ATAD5: variants seen among roughly 807,000 people sequenced by gnomAD.
The protein encoded by ATAD5 is ATPase family AAA domain containing 5.
In ATAD5, 58 loss-of-function variants were observed where a neutral mutation model predicts 176.9. That is an observed-to-expected ratio of 0.33 (90% CI 0.27 to 0.41). The LOEUF is 0.41. Among genes scored for constraint, ATAD5 ranks in the 10% least tolerant of loss-of-function variants. The pLI, the probability that ATAD5 is intolerant of heterozygous loss-of-function variation, is 1.00. For missense variants in ATAD5, 1,789 were observed against 2,094.1 expected, an observed-to-expected ratio of 0.85 and a Z score of 2.84; for synonymous variants, 640 against 712.6, an observed-to-expected ratio of 0.90 and a Z score of 1.62.
In ATAD5 at chr17:30,868,349, A is replaced by G; in HGVS notation, c.3250A>G (p.Lys1084Glu). 1.3e-6 allele frequency: 2 copies of G among 1,587,342 alleles called. No individual in the cohort carries two copies. Among genetic ancestry groups the G allele is most frequent in the South Asian group, 1.2e-5 (1 of 85,804 alleles). Residue 1084 changes from lysine (K) to glutamate (E), a missense_variant, in exon 12 of 23, where the codon AAA (lysine) becomes GAA (glutamate). Lys to Glu is a moderately conservative substitution (Grantham distance 56, BLOSUM62 1). Coordinates refer to ENST00000321990, the MANE Select transcript of ATAD5 (RefSeq NM_024857.5). Reference protein sequence around the residue: ...KKLHSWLKDWKRRAELEERQN... With the variant: ...KKLHSWLKDWERRAELEERQN... ...TTGTGGCAGTTGGTTGAAAGACTGG[A>G]AAAGAAGAGCTGAATTGGAAGAAAG...
intron 6 of ATAD5, among the ~76,000 whole-genome samples, chr17:30,848,283 A>G (rs1311602658): frequency 1.3e-5 from 2 of 151,354 alleles, no homozygotes; most frequent in Non-Finnish European, 2.9e-5. Flanking sequence ...TCACTCTGTC[A>G]TCCCCAGACT....
chr17:30,863,154 C>T (rs543113394), intron 10 of ATAD5: 1 of 152,640 alleles, frequency 6.6e-6, no homozygotes, highest in African/African-American at 2.4e-5. Flanking sequence ...TGCACCACTA[C>T]TCCAGGCTGG....
chr17:30,855,858 CAAAAAAA>C (rs1907266505), intron 7 of ATAD5, among the ~76,000 whole-genome samples: 1 of 132,756 alleles, frequency 7.5e-6, no homozygotes, highest in Non-Finnish European at 1.6e-5. Context: ...GACCCTGTCT[CAAAAAAA>C]GAAAAAAAAA....
Position 30,831,973 on chromosome 17 carries a change from G to T in ATAD5, c.-375G>T, listed in dbSNP as rs1036808665. 3.2e-6 allele frequency: 1 copy of T among 309,164 alleles called. No individual in the cohort carries two copies. Among genetic ancestry groups the T allele is most frequent in the Non-Finnish European group, 5.9e-6 (1 of 169,510 alleles). 19.2% of individuals were successfully genotyped at this position (309,164 alleles called of 1,614,324 possible). A position where few individuals can be genotyped will look rare whatever the true frequency, so the allele number is the denominator to read the frequency against. ...CCGTAAACTCCGCCCCTTGCGCGCA[G>T]GACGGCGCGAAAACCCAATTGACAA... On this transcript the variant is annotated 5_prime_UTR_variant, in exon 1 of 23. In the 5' UTR this introduces an upstream ATG that the reference lacks. Coordinates refer to ENST00000321990, the MANE Select transcript of ATAD5 (RefSeq NM_024857.5).
intron 8 of ATAD5, 53 bp from the exon 9 acceptor site, chr17:30,858,108 A>C: frequency 7.3e-7 from 1 of 1,371,200 alleles, no homozygotes. Context: ...TATTGTAATT[A>C]ACATGAATAG....
rs1907351216 is a variant in ATAD5, at chr17:30,857,464, C to T, written c.2793+352C>T. The stretch of plus-strand genomic sequence containing the variant: ...CTCCCTACTTCAGGTGATTCCCCCG[C>T]CTCGGCCTCACAAAGTGCTGGGGTT... On this transcript the variant is annotated intron_variant, in intron 8 of 22. Coordinates refer to ENST00000321990, the MANE Select transcript of ATAD5 (RefSeq NM_024857.5). 3.3e-5 allele frequency among the ~76,000 whole-genome samples: 5 copies of T among 152,262 alleles called. No individual in the cohort carries two copies. In the South Asian group the frequency reaches 8.3e-4, roughly 25 times the overall value.
At position 30,893,830 on chromosome 17, in the gene ATAD5, A is replaced by T; in HGVS notation, c.4977A>T (p.Leu1659Phe). The T allele has an allele frequency of 1.2e-6, 2 of 1,614,000 alleles. No individual in the cohort carries two copies. The highest frequency in any genetic ancestry group is 1.7e-6 in the Non-Finnish European group (2 of 1,179,908). Reference protein sequence around the residue: ...LSEFMDNMSFLDALLTDVREQ... With the variant: ...LSEFMDNMSFFDALLTDVREQ... ...AGTTCATGGATAACATGTCCTTCTT[A>T]GATGCACTTTTAACTGATGTAAGGG... Residue 1659 changes from leucine (L) to phenylalanine (F), a missense_variant, in exon 21 of 23, where the codon TTA becomes TTT. Coordinates refer to ENST00000321990, the MANE Select transcript of ATAD5 (RefSeq NM_024857.5).
Position 30,893,401 on chromosome 17 carries a change from A to G in ATAD5, c.4548A>G (p.Pro1516=). 6.2e-7 allele frequency: 1 copy of G among 1,613,306 alleles called. No homozygotes were observed. Among genetic ancestry groups the G allele is most frequent in the Non-Finnish European group, 8.5e-7 (1 of 1,179,510 alleles). The change falls in exon 21 of 23, where the codon CCA becomes CCG. Residue 1516 remains proline, a synonymous_variant. Transcript: ENST00000321990. ...FLYSNLEFIL[P]LPVDTIPETK... is the part of the protein sequence containing the mutation. The stretch of plus-strand genomic sequence containing the variant: ...ATAGTAATCTTGAGTTTATTCTACC[A>G]TTACCAGTTGATACCATTCCAGAAA...
intron 14 of ATAD5, among the ~76,000 whole-genome samples, chr17:30,870,228 T>C (rs1371231634): frequency 1.3e-5 from 2 of 152,236 alleles, no homozygotes; most frequent in Non-Finnish European, 2.9e-5. Flanking sequence ...AAGGTTCATA[T>C]CTTACATTTG....
At chr17:30,837,157 G>A (rs1905796339) in intron 2 of ATAD5, 49 bp from the exon 3 acceptor site, 3 of 1,025,814 alleles carry the variant, frequency 2.9e-6, no homozygotes, top group African/African-American at 1.7e-5. Context: ...AGATTCTTGT[G>A]TATGTTATAA....
intron 19 of ATAD5, among the ~76,000 whole-genome samples, chr17:30,890,421 T>TC (rs1555561515): frequency 2.2e-5 from 3 of 133,958 alleles, no homozygotes; most frequent in Non-Finnish European, 5.0e-5. Flanking sequence ...TTCTTTTCTT[T>TC]TTTTTTTTTT....
intron 10 of ATAD5, 23 bp from the exon 11 acceptor site, chr17:30,865,680 TA>T: frequency 2.8e-6 from 4 of 1,415,590 alleles, no homozygotes; most frequent in South Asian, 1.3e-5. Flanking sequence ...ATGAATACCT[TA>T]ATTTTTTTTT....
chr17:30,855,163 C>A lies in ATAD5; in HGVS notation c.2471C>A (p.Ser824Tyr), dbSNP rs750768357. Reference sequence around the variant, plus strand: ...AAAAGTCAAGATACATCTGAAAAATCTCAGGATTGTGATGTTCAATGTAAA... The same window carrying A: ...AAAAGTCAAGATACATCTGAAAAATATCAGGATTGTGATGTTCAATGTAAA... ...DESSQDTSEK[S>Y]QDCDVQCKAK... Residue 824 changes from serine (S) to tyrosine (Y), a missense_variant, in exon 7 of 23, where the codon TCT becomes TAT. Coordinates refer to ENST00000321990, the MANE Select transcript of ATAD5 (RefSeq NM_024857.5). The A allele has an allele frequency of 6.2e-7, 1 of 1,604,104 alleles. No individual in the cohort carries two copies. The highest frequency in any genetic ancestry group is 1.1e-5 in the South Asian group (1 of 88,756).
At chr17:30,852,895 T>C (rs1010257073) in intron 6 of ATAD5, among the ~76,000 whole-genome samples, 6 of 151,434 alleles carry the variant, frequency 4.0e-5, no homozygotes, top group Admixed American at 2.6e-4. Flanking sequence ...TTCTTTCTTT[T>C]TTTTTTTTTT....
chr17:30,831,996 C>T lies in ATAD5; in HGVS notation c.-352C>T. 1 of 345,254 alleles carries T rather than the reference C, an allele frequency of 2.9e-6. No individual in the cohort carries two copies. Among genetic ancestry groups the T allele is most frequent in the Non-Finnish European group, 5.2e-6 (1 of 192,618 alleles). The allele number at this position is 345,254 out of a possible 1,614,324, so 21.4% of individuals were successfully genotyped here. ...CAGGACGGCGCGAAAACCCAATTGA[C>T]AAGAATTCCCTCCGAAGCTCTGTGG... On this transcript the variant is annotated 5_prime_UTR_variant, in exon 1 of 23. Coordinates refer to ENST00000321990, the MANE Select transcript of ATAD5 (RefSeq NM_024857.5).
At chr17:30,832,481 G>C (rs1381482762) in intron 1 of ATAD5, 68 bp downstream of exon 1, 2 of 1,399,804 alleles carry the variant, frequency 1.4e-6, no homozygotes, top group African/African-American at 3.0e-5. Flanking sequence ...GGTGGGTCTT[G>C]GCGGAAGGTG....
intron 19 of ATAD5, among the ~76,000 whole-genome samples, chr17:30,891,162 T>C (rs1408895169): frequency 2.0e-5 from 3 of 152,218 alleles, no homozygotes; most frequent in Non-Finnish European, 4.4e-5. Context: ...TTTTGATAGT[T>C]GTTGTCAGAC....
At chr17:30,847,367 G>T (rs1597960991) in intron 6 of ATAD5, among the ~76,000 whole-genome samples, 1 of 152,024 alleles carries the variant, frequency 6.6e-6, no homozygotes, top group East Asian at 1.9e-4. Context: ...GTCTTGCACT[G>T]TCGCCCAGGC....
intron 14 of ATAD5, among the ~76,000 whole-genome samples, chr17:30,872,708 A>G (rs1196524937): frequency 6.6e-6 from 1 of 151,976 alleles, no homozygotes; most frequent in Non-Finnish European, 1.5e-5. Flanking sequence ...GGCGCTCGCC[A>G]TCACGCACAG....
Sources: allele counts gnomAD v4.1 joint callset (sites outside exome capture counted in the v4.1 genomes callset), GRCh38; gene constraint gnomAD v4.1.1; transcripts MANE v1.5; gene names NCBI Gene and HGNC (gene_info 2026-07-23, HGNC 2026-07-21).